The following DHRSX variants were observed in gnomAD, a reference collection of about 807,000 sequenced individuals.
DHRSX encodes dehydrogenase/reductase X-linked, also known as polyprenol dehydrogenase.
A neutral mutation model predicts 34.0 loss-of-function variants in DHRSX; 31 were observed. The observed-to-expected ratio is 0.91, with a 90% CI of 0.69 to 1.23. The LOEUF is 1.23. Ranked by LOEUF, DHRSX falls within the 50% of genes most tolerant of loss-of-function variation. The probability of loss-of-function intolerance (pLI) is 0.00; values close to 1 mark genes in which losing one functional copy is unlikely to be tolerated. For missense variants in DHRSX, 414 were observed against 428.1 expected (o/e 0.97, Z 0.29); for synonymous variants, 201 against 183.8 (o/e 1.09, Z -0.76).
chrX:2,221,458 C>T (rs181415652), intron 6 of DHRSX, among the ~76,000 whole-genome samples: 7 of 152,218 alleles, frequency 4.6e-5, no homozygotes, highest in African/African-American at 1.7e-4. Context: ...GGTTGCATTT[C>T]AGTGGTGGGT....
intron 3 of DHRSX, among the ~76,000 whole-genome samples, chrX:2,395,376 G>A (rs988690755): frequency 8.5e-5 from 13 of 152,100 alleles, no homozygotes; most frequent in Non-Finnish European, 1.3e-4. Context: ...AAGTCCCTGC[G>A]CGCACCACAA....
intron 6 of DHRSX, among the ~76,000 whole-genome samples, chrX:2,235,636 G>A (rs1358657522): frequency 2.0e-5 from 3 of 147,282 alleles, no homozygotes; most frequent in African/African-American, 5.0e-5. Flanking sequence ...CCAGCTACTC[G>A]GGAGGCTGAG....
At chrX:2,418,522 A>G (rs1043804275) in intron 2 of DHRSX, among the ~76,000 whole-genome samples, 15 of 152,230 alleles carry the variant, frequency 9.9e-5, no homozygotes, top group Non-Finnish European at 4.4e-5. Context: ...TAAGAATTAA[A>G]CTAATAATTA....
At chrX:2,428,370 C>T (rs1325123444) in intron 1 of DHRSX, among the ~76,000 whole-genome samples, 3 of 152,148 alleles carry the variant, frequency 2.0e-5, no homozygotes, top group South Asian at 2.1e-4. Flanking sequence ...GGAACCAACC[C>T]AAATGCCCAT....
chrX:2,468,608 C>A (rs1251532042), intron 1 of DHRSX, among the ~76,000 whole-genome samples: 4 of 149,356 alleles, frequency 2.7e-5, no homozygotes, highest in African/African-American at 7.4e-5. Context: ...CCTAAGTATG[C>A]GGCCAAGGGA....
chrX:2,290,981 A>T (rs915314073), intron 4 of DHRSX, among the ~76,000 whole-genome samples: 15 of 152,194 alleles, frequency 9.9e-5, no homozygotes, highest in Non-Finnish European at 1.8e-4. Context: ...CAATGACCTT[A>T]AGCACTCAGC....
chrX:2,292,336 G>A (rs1381342570), intron 3 of DHRSX, among the ~76,000 whole-genome samples: 2 of 152,120 alleles, frequency 1.3e-5, no homozygotes, highest in South Asian at 2.1e-4. Context: ...TGTGAATTTC[G>A]AAGATCCTGA....
At chrX:2,494,188 G>A (rs1416562412) in intron 1 of DHRSX, among the ~76,000 whole-genome samples, 2 of 151,718 alleles carry the variant, frequency 1.3e-5, no homozygotes, top group Non-Finnish European at 2.9e-5. Flanking sequence ...TGGGGCCAAG[G>A]TTTATATTCT....
intron 3 of DHRSX, among the ~76,000 whole-genome samples, chrX:2,360,107 C>G (rs1320348629): frequency 2.0e-5 from 3 of 151,938 alleles, no homozygotes. Flanking sequence ...CTATAAGAAT[C>G]AAAATTTCCA....
intron 3 of DHRSX, among the ~76,000 whole-genome samples, chrX:2,292,165 C>T (rs2124491684): frequency 6.6e-6 from 1 of 152,238 alleles, no homozygotes; most frequent in Admixed American, 6.5e-5. Context: ...TGTCATTCTC[C>T]TCCTGACCTT....
intron 3 of DHRSX, among the ~76,000 whole-genome samples, chrX:2,357,848 C>A (rs1468656913): frequency 2.0e-5 from 3 of 152,132 alleles, no homozygotes; most frequent in Non-Finnish European, 4.4e-5. Context: ...ATCAAGGATT[C>A]ACCTACATAA....
chrX:2,321,584 C>A (rs186473122), intron 3 of DHRSX, among the ~76,000 whole-genome samples: 3 of 139,662 alleles, frequency 2.1e-5, no homozygotes, highest in East Asian at 3.9e-4. Flanking sequence ...CTCCACCCCC[C>A]TCTCTCTCTG....
chrX:2,237,176 G>T (rs2016036404), intron 6 of DHRSX, among the ~76,000 whole-genome samples: 1 of 151,724 alleles, frequency 6.6e-6, no homozygotes, highest in Non-Finnish European at 1.5e-5. Context: ...ACAGAGAGAG[G>T]TTCCATCTTA....
intron 1 of DHRSX, among the ~76,000 whole-genome samples, chrX:2,448,558 C>A (rs1400408422): frequency 6.7e-6 from 1 of 149,406 alleles, no homozygotes; most frequent in African/African-American, 2.5e-5. Flanking sequence ...TGTTAATTAG[C>A]TTGATTGTTA....
chrX:2,397,459 G>A (rs6420591), intron 3 of DHRSX, among the ~76,000 whole-genome samples: 110,055 of 151,972 alleles, frequency 0.72, 40,227 homozygotes, highest in Admixed American at 0.76. Flanking sequence ...CTTGAGACAC[G>A]GTGGGAAAGA....
chrX:2,221,866 T>G (rs2015528839), intron 6 of DHRSX, among the ~76,000 whole-genome samples: 1 of 152,078 alleles, frequency 6.6e-6, no homozygotes, highest in South Asian at 2.1e-4. Flanking sequence ...TCATGGTCAG[T>G]GGGATGGAAG....
chrX:2,372,877 G>T (rs1017057312), intron 3 of DHRSX, among the ~76,000 whole-genome samples: 1 of 152,136 alleles, frequency 6.6e-6, no homozygotes, highest in African/African-American at 2.4e-5. Context: ...CTCCCAAAGT[G>T]CTGGGATTAC....
chrX:2,490,706 C>A (rs1271273641), intron 1 of DHRSX: 2 of 1,613,112 alleles, frequency 1.2e-6, no homozygotes, highest in South Asian at 2.2e-5. Flanking sequence ...GCTCTCCAGG[C>A]TTTTATTCTC....
chrX:2,407,437 C>T (rs1471402616), intron 3 of DHRSX, among the ~76,000 whole-genome samples: 2 of 152,144 alleles, frequency 1.3e-5, no homozygotes, highest in South Asian at 2.1e-4. Context: ...TTCATATGGT[C>T]GTCCCCCGCA....
Sources: gnomAD v4.1 joint callset for allele counts (sites outside exome capture counted in the v4.1 genomes callset) on GRCh38, gnomAD v4.1.1 for gene constraint, MANE v1.5 for transcripts, NCBI Gene and HGNC (gene_info 2026-07-23, HGNC 2026-07-21) for gene names.